Variants in SREBF2 observed in about 807,000 individuals in gnomAD.
SREBF2 encodes the protein sterol regulatory element binding transcription factor 2, also known as sterol regulatory element-binding protein 2.
A neutral mutation model predicts 113.1 loss-of-function variants in SREBF2; 55 were observed. The ratio of observed to expected loss-of-function variants is 0.49; its 90% CI spans 0.39 to 0.61. The LOEUF is 0.61. Among genes scored for constraint, SREBF2 ranks in the 20% least tolerant of loss-of-function variants. SREBF2 has a pLI of 0.00. For synonymous variants in SREBF2, 593 were observed against 605.7 expected (o/e 0.98, Z 0.31); for missense variants, 1,349 against 1,487.4 (o/e 0.91, Z 1.53).
chr22:41,851,762 T>G (rs528097829), intron 1 of SREBF2, among the ~76,000 whole-genome samples: 76 of 151,720 alleles, frequency 5.0e-4, no homozygotes, highest in African/African-American at 1.8e-3. Context: ...CCCAAAGTGC[T>G]GGTATTACAG....
At chr22:41,852,639 C>G (rs1602281192) in intron 1 of SREBF2, among the ~76,000 whole-genome samples, 1 of 151,114 alleles carries the variant, frequency 6.6e-6, no homozygotes, top group East Asian at 1.9e-4. Flanking sequence ...CTTATTTAAC[C>G]AGTTTTCAGA....
intron 18 of SREBF2, 136 bp from the exon 19 acceptor site, chr22:41,905,304 C>T (rs551454154): frequency 2.6e-5 from 23 of 891,938 alleles, no homozygotes; most frequent in East Asian, 2.4e-4. Flanking sequence ...ACTTCTTTTC[C>T]GTGGATTGGG....
At chr22:41,883,689 A>G (rs1465561786) in intron 10 of SREBF2, among the ~76,000 whole-genome samples, 1 of 152,156 alleles carries the variant, frequency 6.6e-6, no homozygotes, top group Non-Finnish European at 1.5e-5. Context: ...CTGCAGGAGG[A>G]ACACCTGAGG....
intron 1 of SREBF2, among the ~76,000 whole-genome samples, chr22:41,864,259 TATACACACAC>T (rs1245993325): frequency 1.5e-5 from 1 of 65,264 alleles, no homozygotes; most frequent in Non-Finnish European, 3.0e-5. Flanking sequence ...TATATATATA[TATACACACAC>T]ACACACACAC....
chr22:41,898,835 G>T, intron 15 of SREBF2, 54 bp downstream of exon 15: 2 of 1,605,132 alleles, frequency 1.2e-6, no homozygotes, highest in Non-Finnish European at 1.7e-6. Flanking sequence ...AATCTTGTTT[G>T]AGTTAGCAGG....
Position 41,877,414 on chromosome 22 carries a change from C to T in SREBF2, c.1572C>T (p.Phe524=), listed in dbSNP as rs199689929. Residue 524 remains phenylalanine (F), a synonymous_variant, in exon 8 of 19, where the codon TTC becomes TTT. Coordinates refer to ENST00000361204, the MANE Select transcript of SREBF2 (RefSeq NM_004599.4). ...GCTCTGGCCGCAGTGTCCTGTCATT[C>T]GAGTCAGGTAGGTGGAGGCCCCTTG... ...HSGSGRSVLS[F]ESGSGGWFDW... is the part of the protein sequence containing the mutation. The T allele has an allele frequency of 8.7e-6, 14 of 1,614,162 alleles. No individual in the cohort carries two copies. The highest frequency in any genetic ancestry group is 1.7e-5 in the Admixed American group (1 of 60,022).
chr22:41,861,664 T>C (rs577156839), intron 1 of SREBF2, among the ~76,000 whole-genome samples: 1 of 152,192 alleles, frequency 6.6e-6, no homozygotes, highest in East Asian at 1.9e-4. Context: ...GGCTCACACC[T>C]GTAATCCTAG....
At position 41,864,328 on chromosome 22, in the gene SREBF2, T is replaced by A. The variant is rs1171467088; in HGVS notation, c.89-2503T>A. ...ATATATGTATATATATATATATTTT[T>A]TTTTTTTTTTGAGACTGAGTCTCGC... On this transcript the variant is annotated intron_variant, in intron 1 of 18. Transcript: ENST00000361204. 4.0e-3 allele frequency among the ~76,000 whole-genome samples: 541 copies of A among 135,710 alleles called. 12 individuals carry two copies. Among genetic ancestry groups the A allele is most frequent in the African/African-American group, 0.01 (371 of 35,816 alleles). The allele number at this position is 135,710 out of a possible 152,430, so 89.0% of individuals were successfully genotyped here. A position where few individuals can be genotyped will look rare whatever the true frequency, so the allele number is the denominator to read the frequency against.
At chr22:41,842,551 A>G (rs942466554) in intron 1 of SREBF2, among the ~76,000 whole-genome samples, 33 of 152,362 alleles carry the variant, frequency 2.2e-4, no homozygotes, top group African/African-American at 7.9e-4. Flanking sequence ...GCTATTAAAA[A>G]CAATGCTGCG....
intron 1 of SREBF2, among the ~76,000 whole-genome samples, chr22:41,860,309 A>G (rs2077015741): frequency 6.6e-6 from 1 of 152,130 alleles, no homozygotes; most frequent in Non-Finnish European, 1.5e-5. Context: ...GCGGTTTACA[A>G]AGGAAGAAAT....
In SREBF2 at chr22:41,833,189, G is replaced by T. The variant is rs2076728178; in HGVS notation, c.-82G>T. 3 of 1,123,790 alleles carry T rather than the reference G, an allele frequency of 2.7e-6. No homozygotes were observed. Among genetic ancestry groups the T allele is most frequent in the African/African-American group, 1.6e-5 (1 of 61,414 alleles). 69.6% of individuals were successfully genotyped at this position (1,123,790 alleles called of 1,614,324 possible). On this transcript the variant is annotated 5_prime_UTR_variant, in exon 1 of 19. Transcript: ENST00000361204. The surrounding 1 kb of genome is among the most constrained non-coding windows in gnomAD (Gnocchi z 4.1). ...GGCGGTGCCGGGCGGGGGTTGTCGG[G>T]TGTCATGGGCGGTGGCGACGGCACC... is the stretch of plus-strand genomic sequence containing the variant.
intron 1 of SREBF2, among the ~76,000 whole-genome samples, chr22:41,850,388 C>T (rs6519294): frequency 0.74 from 111,361 of 150,868 alleles, 41,513 homozygotes; most frequent in African/African-American, 0.82. Flanking sequence ...GAGGCGGAGG[C>T]TGCAGTGAGC....
chr22:41,887,819 C>A (rs1386952958), intron 11 of SREBF2, among the ~76,000 whole-genome samples: 1 of 151,894 alleles, frequency 6.6e-6, no homozygotes, highest in Non-Finnish European at 1.5e-5. Flanking sequence ...TACATCCTTA[C>A]CGAACACATA....
rs770834817 is a variant in SREBF2, at chr22:41,884,832, C to T, written c.2039-10C>T. On this transcript the variant is annotated splice_polypyrimidine_tract_variant and intron_variant, in intron 10 of 18. Coordinates refer to ENST00000361204, the MANE Select transcript of SREBF2 (RefSeq NM_004599.4). The stretch of plus-strand genomic sequence containing the variant: ...CCATCAACAATAGTGTCTGTTTCTG[C>T]CCACCCTAGGGAAGCTTCCTGCAGG... 6.2e-7 allele frequency: 1 copy of T among 1,614,048 alleles called. No individual in the cohort carries two copies. Among genetic ancestry groups the T allele is most frequent in the East Asian group, 2.2e-5 (1 of 44,880 alleles).
At chr22:41,892,827 C>G (rs1032808149) in intron 11 of SREBF2, among the ~76,000 whole-genome samples, 1 of 152,122 alleles carries the variant, frequency 6.6e-6, no homozygotes, top group African/African-American at 2.4e-5. Flanking sequence ...ATCAGGCAGC[C>G]CCAGCAGGAC....
chr22:41,904,305 A>G (rs1346263991), intron 17 of SREBF2, among the ~76,000 whole-genome samples: 3 of 152,190 alleles, frequency 2.0e-5, no homozygotes, highest in African/African-American at 7.2e-5. Flanking sequence ...GAAGACTGAG[A>G]TATAAAGGCA....
At chr22:41,842,857 G>A (rs2076842320) in intron 1 of SREBF2, among the ~76,000 whole-genome samples, 1 of 152,196 alleles carries the variant, frequency 6.6e-6, no homozygotes, top group African/African-American at 2.4e-5. Flanking sequence ...GGGCGTGGTG[G>A]CATGAGCCTG....
rs1463987680 is a variant in SREBF2, at chr22:41,875,728, C to T, written c.1386+4C>T. 2 of 1,614,070 alleles carry T rather than the reference C, an allele frequency of 1.2e-6. No individual in the cohort carries two copies. The highest frequency in any genetic ancestry group is 3.3e-5 in the Admixed American group (2 of 60,034). On this transcript the variant is annotated splice_donor_region_variant and intron_variant, in intron 7 of 18. Coordinates refer to ENST00000361204, the MANE Select transcript of SREBF2 (RefSeq NM_004599.4). ...CCCTCTATTGGATGATGCAAAGGTACAGACTTTTGAAATCTCCTGATCCCT... is the reference window on the plus strand; with the variant it reads ...CCCTCTATTGGATGATGCAAAGGTATAGACTTTTGAAATCTCCTGATCCCT...
intron 11 of SREBF2, chr22:41,891,349 C>A (rs762646102): frequency 3.3e-5 from 5 of 152,276 alleles, no homozygotes; most frequent in Non-Finnish European, 5.9e-5. Flanking sequence ...ACACTGGTTA[C>A]CAAAGAGGAA....
Sources: allele counts gnomAD v4.1 joint callset (sites outside exome capture counted in the v4.1 genomes callset), GRCh38; gene constraint gnomAD v4.1.1; non-coding constraint Gnocchi (gnomAD v3.1); transcripts MANE v1.5; gene names NCBI Gene and HGNC (gene_info 2026-07-23, HGNC 2026-07-21).